Variants in FOXP1 observed in about 807,000 individuals in gnomAD.
The protein encoded by FOXP1 is forkhead box protein P1.
FOXP1 carries 15 observed loss-of-function variants against 98.2 expected under a neutral mutation model. That is an observed-to-expected ratio of 0.15 (90% CI 0.10 to 0.24). FOXP1 has a LOEUF of 0.24. FOXP1 is among the 10% of genes least tolerant of loss of function. FOXP1 has a pLI of 1.00. For missense variants in FOXP1, 633 were observed against 848.5 expected (o/e 0.75, Z 3.15); for synonymous variants, 371 against 314.5 (o/e 1.18, Z -1.90).
chr3:71,046,979 G>A lies in FOXP1; in HGVS notation c.627C>T (p.Pro209=), dbSNP rs557318477. 45 of 1,614,076 alleles carry A rather than the reference G, an allele frequency of 2.8e-5. No individual in the cohort carries two copies. The highest frequency in any genetic ancestry group is 1.7e-4 in the Admixed American group (10 of 60,024). The stretch of plus-strand genomic sequence containing the variant: ...GTTGAAGGGGAAGGGCAGGCTGCCC[G>A]GGCTGAATTGTCAGAAGGCCTTGGC... The part of the protein sequence containing the change: ...LQRQGLLTIQ[P]GQPALPLQPL... Residue 209 remains proline (P), a synonymous_variant, in exon 10 of 21, where the codon CCC becomes CCT. Transcript: ENST00000649528.
intron 6 of FOXP1, among the ~76,000 whole-genome samples, chr3:71,192,524 A>C (rs1285237126): frequency 6.6e-6 from 1 of 152,250 alleles, no homozygotes; most frequent in Non-Finnish European, 1.5e-5. Flanking sequence ...AAAAAGCTGG[A>C]AATGTTTGTG....
intron 6 of FOXP1, among the ~76,000 whole-genome samples, chr3:71,195,195 A>T (rs1412581917): frequency 1.3e-5 from 2 of 152,234 alleles, no homozygotes; most frequent in African/African-American, 2.4e-5. Context: ...ACTAATTTTT[A>T]GAAATGACAA....
intron 3 of FOXP1, among the ~76,000 whole-genome samples, chr3:71,369,298 G>A (rs1001368282): frequency 2.6e-5 from 4 of 152,104 alleles, no homozygotes; most frequent in African/African-American, 9.7e-5. Flanking sequence ...GCTGAGGCAA[G>A]AGAATAGCTT....
intron 14 of FOXP1, among the ~76,000 whole-genome samples, chr3:70,979,307 A>AG (rs2038319603): frequency 6.7e-6 from 1 of 149,280 alleles, no homozygotes; most frequent in Non-Finnish European, 1.5e-5. Flanking sequence ...AAAAAAAAAA[A>AG]AAAAAAAAAA....
chr3:71,052,767 T>C (rs1412409320), intron 8 of FOXP1, 141 bp from the exon 9 acceptor site: 3 of 700,242 alleles, frequency 4.3e-6, no homozygotes, highest in Non-Finnish European at 7.9e-6. Context: ...AACTCGACAA[T>C]AAATTCAGCG....
intron 3 of FOXP1, among the ~76,000 whole-genome samples, chr3:71,421,702 G>A (rs1241416956): frequency 1.3e-5 from 2 of 152,322 alleles, no homozygotes; most frequent in South Asian, 2.1e-4. Context: ...CCTGACCAAA[G>A]AAAGGCTGGC....
At chr3:71,480,134 A>T (rs761748382) in intron 3 of FOXP1, among the ~76,000 whole-genome samples, 2 of 152,190 alleles carry the variant, frequency 1.3e-5, no homozygotes, top group African/African-American at 2.4e-5. Flanking sequence ...AGGCAGAGTA[A>T]GAGAAGATCG....
At chr3:70,998,502 T>C (rs1203886142) in intron 13 of FOXP1, among the ~76,000 whole-genome samples, 2 of 152,200 alleles carry the variant, frequency 1.3e-5, no homozygotes, top group African/African-American at 4.8e-5. Context: ...CCCTCAAGCT[T>C]TGCAGAAATG....
At chr3:71,118,844 T>C (rs1480151293) in intron 6 of FOXP1, among the ~76,000 whole-genome samples, 1 of 152,102 alleles carries the variant, frequency 6.6e-6, no homozygotes, top group African/African-American at 2.4e-5. Context: ...ACAGTTAAGC[T>C]CATTCCCTTA....
chr3:71,014,352 A>C (rs1434749139), intron 12 of FOXP1, among the ~76,000 whole-genome samples: 1 of 152,224 alleles, frequency 6.6e-6, no homozygotes, highest in Non-Finnish European at 1.5e-5. Context: ...GACACTTCTC[A>C]AAAGAAGACA....
chr3:71,365,863 G>C (rs1279142970), intron 3 of FOXP1, among the ~76,000 whole-genome samples: 1 of 152,100 alleles, frequency 6.6e-6, no homozygotes, highest in Non-Finnish European at 1.5e-5. Flanking sequence ...TGTGCCTCTA[G>C]TCCCAGCTAC....
intron 5 of FOXP1, among the ~76,000 whole-genome samples, chr3:71,283,784 C>T (rs2071814964): frequency 6.6e-6 from 1 of 152,106 alleles, no homozygotes; most frequent in Admixed American, 6.5e-5. Flanking sequence ...TTATTGAATG[C>T]TTACTTGTCC....
intron 5 of FOXP1, among the ~76,000 whole-genome samples, chr3:71,272,426 T>C (rs2070454495): frequency 6.6e-6 from 1 of 152,160 alleles, no homozygotes; most frequent in South Asian, 2.1e-4. Context: ...ACCATATTGC[T>C]CCCATGGGTC....
intron 5 of FOXP1, among the ~76,000 whole-genome samples, chr3:71,297,817 G>GGTTTCACCAA (rs1197828252): frequency 8.6e-5 from 13 of 151,548 alleles, no homozygotes; most frequent in Non-Finnish European, 1.6e-4. Flanking sequence ...GGTTTCACCA[G>GGTTTCACCAA]GTTGGTCTCG....
chr3:71,119,331 G>C (rs1439849647), intron 6 of FOXP1, among the ~76,000 whole-genome samples: 1 of 152,196 alleles, frequency 6.6e-6, no homozygotes, highest in Non-Finnish European at 1.5e-5. Flanking sequence ...GTTATTTCCT[G>C]TCTGCCCTGA....
intron 12 of FOXP1, among the ~76,000 whole-genome samples, chr3:71,003,101 G>A (rs571022761): frequency 2.5e-4 from 38 of 152,214 alleles, no homozygotes; most frequent in Non-Finnish European, 4.3e-4. Context: ...GCTACTGGAA[G>A]CTGGGCATCA....
chr3:71,460,993 C>A (rs2088039162), intron 3 of FOXP1, among the ~76,000 whole-genome samples: 1 of 152,082 alleles, frequency 6.6e-6, no homozygotes, highest in Non-Finnish European at 1.5e-5. Flanking sequence ...TACAGTTTTA[C>A]AATAAAGAGA....
chr3:71,386,276 G>A (rs62246006), intron 3 of FOXP1, among the ~76,000 whole-genome samples: 12,158 of 152,200 alleles, frequency 0.08, 541 homozygotes, highest in Non-Finnish European at 0.094. Flanking sequence ...AGACTCCTCT[G>A]CTCAAAAATC....
At chr3:71,249,142 G>A (rs1472195311) in intron 5 of FOXP1, among the ~76,000 whole-genome samples, 1 of 152,214 alleles carries the variant, frequency 6.6e-6, no homozygotes, top group African/African-American at 2.4e-5. Flanking sequence ...GATGCCAGAG[G>A]CCATAGGCAA....
Sources: allele counts gnomAD v4.1 joint callset (sites outside exome capture counted in the v4.1 genomes callset), GRCh38; gene constraint gnomAD v4.1.1; transcripts MANE v1.5; gene names NCBI Gene and HGNC (gene_info 2026-07-23, HGNC 2026-07-21).